The following NCAM1 variants were observed in gnomAD, a reference collection of about 807,000 sequenced individuals.
NCAM1 encodes the protein neural cell adhesion molecule 1.
A neutral mutation model predicts 109.8 loss-of-function variants in NCAM1; 14 were observed. The ratio of observed to expected loss-of-function variants is 0.13; its 90% CI spans 0.08 to 0.20. NCAM1 has a LOEUF of 0.20. Ranked by LOEUF, NCAM1 falls within the 10% of genes least tolerant of loss-of-function variation. The pLI is 1.00. For missense variants in NCAM1, 774 were observed against 1,109.9 expected, an observed-to-expected ratio of 0.70 and a Z score of 4.30; for synonymous variants, 418 against 442.9, an observed-to-expected ratio of 0.94 and a Z score of 0.70.
At chr11:112,974,239 C>T (rs782351802) in intron 1 of NCAM1, among the ~76,000 whole-genome samples, 16 of 152,070 alleles carry the variant, frequency 1.1e-4, no homozygotes, top group East Asian at 1.9e-4. Flanking sequence ...TCTTTCATAT[C>T]GCTGAGGAGT....
intron 1 of NCAM1, among the ~76,000 whole-genome samples, chr11:113,062,748 G>A (rs1370429694): frequency 6.6e-6 from 1 of 152,164 alleles, no homozygotes; most frequent in Non-Finnish European, 1.5e-5. Flanking sequence ...GAGGCAGGAG[G>A]ATTGCTTGAG....
intron 1 of NCAM1, among the ~76,000 whole-genome samples, chr11:113,045,855 T>C (rs1276648929): frequency 1.3e-5 from 2 of 152,176 alleles, no homozygotes; most frequent in African/African-American, 2.4e-5. Context: ...TTTTTTTTTT[T>C]TCTTAAATTG....
chr11:113,249,574 T>C (rs970027840), intron 15 of NCAM1, among the ~76,000 whole-genome samples: 1 of 152,174 alleles, frequency 6.6e-6, no homozygotes, highest in Admixed American at 6.5e-5. Context: ...GAGTTGAAGA[T>C]GGGCACGAGC....
chr11:113,252,587 T>C (rs61902544), intron 15 of NCAM1, among the ~76,000 whole-genome samples: 12,162 of 152,046 alleles, frequency 0.08, 1,020 homozygotes, highest in East Asian at 0.39. Context: ...TCAGTACACA[T>C]CTGTTGAATA....
chr11:113,180,654 G>A (rs1399221638), intron 1 of NCAM1, among the ~76,000 whole-genome samples: 1 of 152,216 alleles, frequency 6.6e-6, no homozygotes, highest in Non-Finnish European at 1.5e-5. Context: ...AAACAGCAAG[G>A]ACTTGTACTT....
At chr11:113,144,590 A>C (rs1941946300) in intron 1 of NCAM1, among the ~76,000 whole-genome samples, 1 of 152,240 alleles carries the variant, frequency 6.6e-6, no homozygotes, top group African/African-American at 2.4e-5. Context: ...GCAGCAACCT[A>C]AGTGAAAAAG....
intron 1 of NCAM1, among the ~76,000 whole-genome samples, chr11:113,173,591 GATATATAT>G (rs5794851): frequency 0.15 from 19,101 of 126,494 alleles, 2,495 homozygotes; most frequent in African/African-American, 0.31. Flanking sequence ...CATGTTACCT[GATATATAT>G]ATATATATAT....
At chr11:113,093,818 G>A (rs891683925) in intron 1 of NCAM1, among the ~76,000 whole-genome samples, 4 of 152,190 alleles carry the variant, frequency 2.6e-5, no homozygotes, top group Admixed American at 6.5e-5. Flanking sequence ...CTGCAGACTG[G>A]TGGAAGCACT....
intron 1 of NCAM1, among the ~76,000 whole-genome samples, chr11:113,043,509 G>A (rs984028797): frequency 6.6e-6 from 1 of 151,994 alleles, no homozygotes; most frequent in Non-Finnish European, 1.5e-5. Flanking sequence ...GCTAATTTTT[G>A]TATTTTTAGT....
At chr11:113,245,584 T>A (rs1555120036) in intron 14 of NCAM1, among the ~76,000 whole-genome samples, 1 of 152,212 alleles carries the variant, frequency 6.6e-6, no homozygotes, top group African/African-American at 2.4e-5. Context: ...TTCCCTAGTC[T>A]GCACTGGCCT....
chr11:113,069,429 G>A (rs1938155727), intron 1 of NCAM1, among the ~76,000 whole-genome samples: 1 of 152,122 alleles, frequency 6.6e-6, no homozygotes. Flanking sequence ...GGCAAGGGGT[G>A]TTGTAGGAGT....
Position 113,000,851 on chromosome 11 carries a change from C to CAAAA in NCAM1, c.52+39190_52+39193dup, listed in dbSNP as rs35614573. ...ATATATATATATATATATATATACA[C>CAAAA]AAAAAATATATATATATATACACAT... is the stretch of plus-strand genomic sequence containing the variant. On this transcript the variant is annotated intron_variant, in intron 1 of 19. Transcript: ENST00000316851. Among the ~76,000 whole-genome samples the CAAAA allele has an allele frequency of 3.0e-4, 27 of 91,350 alleles. 2 individuals carry two copies. Among genetic ancestry groups the CAAAA allele is most frequent in the African/African-American group, 9.1e-4 (23 of 25,302 alleles). The allele number at this position is 91,350 out of a possible 152,430, so 59.9% of individuals were successfully genotyped here.
chr11:113,264,187 C>T, intron 17 of NCAM1: 1 of 985,322 alleles, frequency 1.0e-6, no homozygotes, highest in Non-Finnish European at 1.2e-6. Flanking sequence ...TATCTCATCT[C>T]TGAGCATCTC....
chr11:113,219,803 A>C (rs1377908688), intron 8 of NCAM1, among the ~76,000 whole-genome samples: 2 of 152,262 alleles, frequency 1.3e-5, no homozygotes, highest in African/African-American at 4.8e-5. Flanking sequence ...CAGCCCTGGC[A>C]TGTAACCGAC....
intron 17 of NCAM1, chr11:113,269,930 C>T (rs191887728): frequency 2.8e-4 from 153 of 544,204 alleles, no homozygotes; most frequent in African/African-American, 2.6e-3. Flanking sequence ...CCAGGACTCA[C>T]GGGAGGCCAG....
chr11:112,989,715 C>CG (rs1304229862), intron 1 of NCAM1, among the ~76,000 whole-genome samples: 1 of 152,094 alleles, frequency 6.6e-6, no homozygotes, highest in African/African-American at 2.4e-5. Flanking sequence ...GTGTTGGTGT[C>CG]TGCATTTGAA....
chr11:113,119,475 T>G (rs1188931127), intron 1 of NCAM1, among the ~76,000 whole-genome samples: 2 of 152,084 alleles, frequency 1.3e-5, no homozygotes, highest in African/African-American at 4.8e-5. Context: ...TCACAGTGAA[T>G]TGTCTTGTTT....
Position 113,262,888 on chromosome 11 carries a change from T to A in NCAM1, c.2131+2565T>A, listed in dbSNP as rs782811383. ...TCTGCATCCTACACCTTTGTCTCAT[T>A]GCTTTTCTCTGCAGTGACTCTTCTT... On this transcript the variant is annotated intron_variant, in intron 17 of 19. Coordinates refer to ENST00000316851, the MANE Select transcript of NCAM1 (RefSeq NM_181351.5). The A allele has an allele frequency of 2.5e-6, 4 of 1,613,960 alleles. No homozygotes were observed. In the Admixed American group the frequency reaches 6.7e-5, roughly 27 times the overall value.
At chr11:113,201,537 A>T (rs1273600641) in intron 1 of NCAM1, among the ~76,000 whole-genome samples, 1 of 152,246 alleles carries the variant, frequency 6.6e-6, no homozygotes, top group Non-Finnish European at 1.5e-5. Flanking sequence ...CTCTATTTTC[A>T]TGAGGAATGG....
Sources: gnomAD v4.1 joint callset for allele counts (sites outside exome capture counted in the v4.1 genomes callset) on GRCh38, gnomAD v4.1.1 for gene constraint, MANE v1.5 for transcripts, NCBI Gene and HGNC (gene_info 2026-07-23, HGNC 2026-07-21) for gene names.